Variants in MMD observed in about 807,000 individuals in gnomAD.
The protein encoded by MMD is monocyte to macrophage differentiation associated, also known as monocyte to macrophage differentiation factor.
In MMD, 22 loss-of-function variants were observed where a neutral mutation model predicts 33.6. The ratio of observed to expected loss-of-function variants is 0.66; its 90% CI spans 0.47 to 0.94. The LOEUF (loss-of-function observed/expected upper bound fraction) is 0.94. MMD is among the 40% of genes least tolerant of loss of function. MMD has a pLI of 0.00. For missense variants in MMD, 242 were observed against 309.8 expected (o/e 0.78, Z 1.64); for synonymous variants, 97 against 103.2 (o/e 0.94, Z 0.36).
intron 4 of MMD, among the ~76,000 whole-genome samples, chr17:55,407,346 A>G (rs1173991283): frequency 1.4e-5 from 2 of 140,884 alleles, no homozygotes; most frequent in African/African-American, 5.2e-5. Flanking sequence ...AAATAAATAA[A>G]TAAGCTTGCT....
At chr17:55,416,510 A>G (rs1411997283) in intron 1 of MMD, among the ~76,000 whole-genome samples, 2 of 152,192 alleles carry the variant, frequency 1.3e-5, no homozygotes, top group African/African-American at 4.8e-5. Flanking sequence ...CCTGGAAGCA[A>G]TTCTCTAAAT....
rs1423736974 is a variant in MMD at position 55,407,298 on chromosome 17, CAAAA to C, written c.344+444_344+447del. Among the ~76,000 whole-genome samples, 559 of 136,392 alleles carry C rather than the reference CAAAA, an allele frequency of 4.1e-3. 1 individual carries two copies. Among genetic ancestry groups the C allele is most frequent in the African/African-American group, 0.015 (524 of 35,118 alleles). 89.5% of individuals were successfully genotyped at this position (136,392 alleles called of 152,430 possible). A position where few individuals can be genotyped will look rare whatever the true frequency, so the allele number is the denominator to read the frequency against. ...GAGCCGAGATTGTGAGACTCCATCT[CAAAA>C]TAAATAAATAAATAAATAAATAAAT... On this transcript the variant is annotated intron_variant, in intron 4 of 6. Coordinates refer to ENST00000262065, the MANE Select transcript of MMD (RefSeq NM_012329.3).
intron 1 of MMD, among the ~76,000 whole-genome samples, chr17:55,414,602 T>A (rs1265007049): frequency 8.0e-6 from 1 of 124,308 alleles, no homozygotes; most frequent in African/African-American, 3.6e-5. Context: ...ACACACACGG[T>A]ACAACTAGAA....
intron 1 of MMD, among the ~76,000 whole-genome samples, chr17:55,414,921 C>T (rs972511271): frequency 6.6e-6 from 1 of 152,198 alleles, no homozygotes; most frequent in Non-Finnish European, 1.5e-5. Flanking sequence ...CTACCTGATT[C>T]TTTTGGCTAT....
chr17:55,411,224 G>C (rs1399501029), intron 3 of MMD, 33 bp downstream of exon 3: 3 of 1,592,710 alleles, frequency 1.9e-6, no homozygotes, highest in Admixed American at 1.7e-5. Context: ...TCAACTATTT[G>C]GATCTGTTGA....
At chr17:55,403,682 C>T (rs1352264964) in intron 5 of MMD, 85 bp downstream of exon 5, 4 of 920,804 alleles carry the variant, frequency 4.3e-6, no homozygotes, top group Non-Finnish European at 3.3e-6. Flanking sequence ...TTTTGAAGTA[C>T]AAATAAAAGT....
chr17:55,419,154 G>A (rs1014940333), intron 1 of MMD, among the ~76,000 whole-genome samples: 1 of 152,202 alleles, frequency 6.6e-6, no homozygotes, highest in Non-Finnish European at 1.5e-5. Flanking sequence ...TATTAAATGG[G>A]TATAACATTT....
chr17:55,418,498 C>A (rs1003519551), intron 1 of MMD, among the ~76,000 whole-genome samples: 40 of 152,218 alleles, frequency 2.6e-4, no homozygotes, highest in East Asian at 3.8e-4. Flanking sequence ...ACCAAGAGAA[C>A]CCCGAATCTC....
At chr17:55,400,674 T>C (rs1907294353) in intron 6 of MMD, among the ~76,000 whole-genome samples, 1 of 152,174 alleles carries the variant, frequency 6.6e-6, no homozygotes, top group Non-Finnish European at 1.5e-5. Flanking sequence ...GGGACCTCCT[T>C]AGTTAATATA....
intron 1 of MMD, among the ~76,000 whole-genome samples, chr17:55,419,679 C>T (rs1011341647): frequency 6.6e-6 from 1 of 152,158 alleles, no homozygotes; most frequent in South Asian, 2.1e-4. Flanking sequence ...TGTTTATAGG[C>T]TTTATTTCCA....
chr17:55,413,673 A>G (rs986229194), intron 2 of MMD, among the ~76,000 whole-genome samples: 1 of 152,290 alleles, frequency 6.6e-6, no homozygotes, highest in Admixed American at 6.5e-5. Context: ...ATGGAATAAC[A>G]TCTCCTCTGG....
intron 5 of MMD, among the ~76,000 whole-genome samples, chr17:55,403,349 T>C (rs1907418437): frequency 6.6e-6 from 1 of 152,238 alleles, no homozygotes; most frequent in Non-Finnish European, 1.5e-5. Flanking sequence ...GATACCCTTT[T>C]TGGAATACCC....
At chr17:55,395,830 A>G (rs1907077720) in intron 6 of MMD, among the ~76,000 whole-genome samples, 1 of 152,252 alleles carries the variant, frequency 6.6e-6, no homozygotes, top group Non-Finnish European at 1.5e-5. Flanking sequence ...ATGAATACAC[A>G]TTATACAAAA....
chr17:55,421,806 C>A lies in MMD; in HGVS notation c.-111G>T. On this transcript the variant is annotated 5_prime_UTR_variant, in exon 1 of 7. Transcript: ENST00000262065. ...CTCCGGAGGCCGCCTGCGTGTCCAG[C>A]GGAACCCTTCGGCCGGGTAGGGTCG... 1.7e-6 allele frequency: 2 copies of A among 1,209,948 alleles called. No homozygotes were observed. The highest frequency in any genetic ancestry group is 1.5e-5 in the South Asian group (1 of 65,046). The allele number at this position is 1,209,948 out of a possible 1,614,324, so 75.0% of individuals were successfully genotyped here.
At position 55,394,510 on chromosome 17, in the gene MMD, G is replaced by A; in HGVS notation, c.541C>T (p.Leu181Phe). 1 of 1,518,894 alleles carries A rather than the reference G, an allele frequency of 6.6e-7. No homozygotes were observed. The highest frequency in any genetic ancestry group is 8.8e-7 in the Non-Finnish European group (1 of 1,138,258). The allele number at this position is 1,518,894 out of a possible 1,614,324, so 94.1% of individuals were successfully genotyped here. Residue 181 changes from leucine to phenylalanine, a missense_variant, in exon 7 of 7, where the codon CTT becomes TTT. Transcript: ENST00000262065. ...CAATAAATTAAGCCCCCACAGGCAAGTTCCTGAAGTCCATCGGTGTTGTTC... is the reference window on the plus strand; with the variant it reads ...CAATAAATTAAGCCCCCACAGGCAAATTCCTGAAGTCCATCGGTGTTGTTC... Reference protein sequence around the residue: ...SMNNTDGLQELACGGLIYCLG... With the variant: ...SMNNTDGLQEFACGGLIYCLG...
chr17:55,411,545 T>C (rs1036789612), intron 2 of MMD, 128 bp from the exon 3 acceptor site: 11 of 1,143,946 alleles, frequency 9.6e-6, no homozygotes, highest in Non-Finnish European at 1.2e-5. Context: ...TATTTGTCTC[T>C]CCTGGATAAT....
chr17:55,407,869 G>C (rs1907617452), intron 3 of MMD, 49 bp from the exon 4 acceptor site: 3 of 1,352,016 alleles, frequency 2.2e-6, no homozygotes, highest in Non-Finnish European at 2.0e-6. Context: ...GTTCAGATGG[G>C]AAGTACGGGT....
chr17:55,410,818 A>C (rs997048110), intron 3 of MMD, among the ~76,000 whole-genome samples: 47 of 152,328 alleles, frequency 3.1e-4, no homozygotes, highest in South Asian at 2.3e-3. Flanking sequence ...AGTGATACAG[A>C]TACTGAGGCT....
intron 4 of MMD, chr17:55,404,873 C>T (rs1010778747): frequency 7.0e-6 from 3 of 429,596 alleles, no homozygotes; most frequent in African/African-American, 6.5e-5. Context: ...ACCAGCCTGG[C>T]CAACATGGTG....
Sources: gnomAD v4.1 joint callset for allele counts (sites outside exome capture counted in the v4.1 genomes callset) on GRCh38, gnomAD v4.1.1 for gene constraint, MANE v1.5 for transcripts, NCBI Gene and HGNC (gene_info 2026-07-23, HGNC 2026-07-21) for gene names.